PIWIL3: variants seen among roughly 807,000 people sequenced by gnomAD.
PIWIL3 encodes the protein piwi like RNA-mediated gene silencing 3, also known as piwi-like protein 3.
PIWIL3 carries 101 observed loss-of-function variants against 109.7 expected under a neutral mutation model. The observed-to-expected ratio is 0.92, with a 90% CI of 0.78 to 1.09. The LOEUF is 1.09. Ranked by LOEUF, PIWIL3 falls within the 50% of genes least tolerant of loss-of-function variation. The pLI is 0.00. For synonymous variants in PIWIL3, 373 were observed against 376.4 expected (o/e 0.99, Z 0.10); for missense variants, 1,031 against 1,072.6 (o/e 0.96, Z 0.54).
chr22:24,737,827 G>A (rs1277869250), intron 12 of PIWIL3, among the ~76,000 whole-genome samples: 1 of 152,172 alleles, frequency 6.6e-6, no homozygotes, highest in Non-Finnish European at 1.5e-5. Context: ...CTATGGGCCT[G>A]TGGTGGTGGT....
intron 1 of PIWIL3, among the ~76,000 whole-genome samples, chr22:24,766,570 C>T (rs900105357): frequency 1.3e-5 from 2 of 151,866 alleles, no homozygotes; most frequent in African/African-American, 4.8e-5. Context: ...GATCCGCCTG[C>T]CTCAGCCTTC....
intron 18 of PIWIL3, among the ~76,000 whole-genome samples, chr22:24,724,436 ATT>A (rs111263336): frequency 7.4e-5 from 10 of 135,150 alleles, no homozygotes; most frequent in Admixed American, 1.5e-4. Flanking sequence ...TAATTTTTTC[ATT>A]TTTTTTTTTT....
In PIWIL3 at chr22:24,731,459, C is replaced by T. The variant is rs933191778; in HGVS notation, c.1707+2625G>A. Among the ~76,000 whole-genome samples the T allele has an allele frequency of 5.3e-5, 8 of 151,694 alleles. No individual in the cohort carries two copies. The South Asian group carries it at 6.3e-4, about 12-fold the overall frequency. On this transcript the variant is annotated intron_variant, in intron 14 of 20. Coordinates refer to ENST00000616349, the MANE Select transcript of PIWIL3 (RefSeq NM_001255975.1). Reference sequence around the variant, plus strand: ...CAAGGTCAGGAGATTGAGACCATCCCGGCTAACACAGTGAAACCCTTTGTC... The same window carrying T: ...CAAGGTCAGGAGATTGAGACCATCCTGGCTAACACAGTGAAACCCTTTGTC...
rs763806731 is a variant in PIWIL3, at chr22:24,756,603, A to C, written c.458T>G (p.Ile153Arg). The C allele has an allele frequency of 1.2e-6, 2 of 1,614,024 alleles. No individual in the cohort carries two copies. The highest frequency in any genetic ancestry group is 2.2e-5 in the South Asian group (2 of 91,072). ...AATTGTACGGAGATTTCCATCTTCTATGTCTGGTTTGTAGTCAACGTTGTA... is the reference window on the plus strand; with the variant it reads ...AATTGTACGGAGATTTCCATCTTCTCTGTCTGGTTTGTAGTCAACGTTGTA... ...YKYNVDYKPD[I>R]EDGNLRTILL... The change falls in exon 5 of 21, where the codon ATA (isoleucine) becomes AGA (arginine). Residue 153 changes from isoleucine to arginine, a missense_variant. By Grantham distance (97) the Ile-to-Arg change is moderately conservative. Coordinates refer to ENST00000616349, the MANE Select transcript of PIWIL3 (RefSeq NM_001255975.1).
At chr22:24,755,499 A>G (rs983121507) in intron 6 of PIWIL3, among the ~76,000 whole-genome samples, 1 of 152,244 alleles carries the variant, frequency 6.6e-6, no homozygotes, top group Non-Finnish European at 1.5e-5. Context: ...TGCATTTGCT[A>G]CAGAGACATA....
chr22:24,761,948 C>A, intron 2 of PIWIL3: 1 of 986,422 alleles, frequency 1.0e-6, no homozygotes, highest in Non-Finnish European at 1.2e-6. Context: ...GGCCCCGCAG[C>A]GCCACTATGG....
chr22:24,719,612 C>G, intron 20 of PIWIL3, 24 bp from the exon 21 acceptor site: 5 of 1,560,300 alleles, frequency 3.2e-6, no homozygotes, highest in Non-Finnish European at 4.3e-6. Flanking sequence ...AGAAAATACA[C>G]AACTAAATTT....
chr22:24,748,910 T>TC lies in PIWIL3; in HGVS notation c.1445dup (p.Met483AsnfsTer3). 3.7e-6 allele frequency: 6 copies of TC among 1,606,128 alleles called. No homozygotes were observed. Among genetic ancestry groups the TC allele is most frequent in the Non-Finnish European group, 5.1e-6 (6 of 1,175,800 alleles). Reference sequence around the variant, plus strand: ...GATGATTTTGAAACTGTCTTACCATTCTTCTGCCTTGCACGATGTTTGCGT... The same window carrying TC: ...GATGATTTTGAAACTGTCTTACCATTCCTTCTGCCTTGCACGATGTTTGCGT... On this transcript the variant is annotated frameshift_variant, in exon 12 of 21. Coordinates refer to ENST00000616349, the MANE Select transcript of PIWIL3 (RefSeq NM_001255975.1). LOFTEE classifies it high-confidence loss of function.
At chr22:24,740,563 A>G (rs1054153125) in intron 12 of PIWIL3, among the ~76,000 whole-genome samples, 3 of 150,526 alleles carry the variant, frequency 2.0e-5, no homozygotes, top group African/African-American at 4.9e-5. Context: ...AAAAAAAAAG[A>G]AAGAAACTGG....
chr22:24,744,183 A>AAAAAAAAAAAAC (rs1924190653), intron 12 of PIWIL3, among the ~76,000 whole-genome samples: 1 of 143,542 alleles, frequency 7.0e-6, no homozygotes, highest in Non-Finnish European at 1.5e-5. Context: ...CGAATTAAAA[A>AAAAAAAAAAAAC]AAAAAAAAAA....
chr22:24,724,845 T>C (rs776430230), intron 18 of PIWIL3, 42 bp downstream of exon 18: 5 of 1,585,328 alleles, frequency 3.2e-6, no homozygotes, highest in Non-Finnish European at 4.3e-6. Context: ...GTGCTGGGAT[T>C]ACAGGCATGA....
At chr22:24,749,280 A>T (rs1924560988) in intron 11 of PIWIL3, 124 bp downstream of exon 11, 1 of 1,447,372 alleles carries the variant, frequency 6.9e-7, no homozygotes, top group Admixed American at 2.2e-5. Flanking sequence ...GTCCCCCAAC[A>T]TCAAAATTCT....
chr22:24,749,347 GCTTCACTGGGACAC>G, intron 11 of PIWIL3, 43 bp downstream of exon 11: 1 of 1,590,952 alleles, frequency 6.3e-7, no homozygotes, highest in Non-Finnish European at 8.6e-7. Context: ...GATGCCATCA[GCTTCACTGGGACAC>G]CATGCACATG....
intron 12 of PIWIL3, among the ~76,000 whole-genome samples, chr22:24,746,938 C>T (rs1219862729): frequency 6.6e-6 from 1 of 152,006 alleles, no homozygotes; most frequent in Non-Finnish European, 1.5e-5. Flanking sequence ...CAATCCCTAT[C>T]ATAATACCAA....
intron 15 of PIWIL3, 25 bp from the exon 16 acceptor site, chr22:24,728,078 A>G: frequency 1.2e-6 from 2 of 1,611,290 alleles, no homozygotes; most frequent in Non-Finnish European, 1.7e-6. Flanking sequence ...TGAAAAGGTA[A>G]TGGAGTTAGA....
rs192331588 is a variant in PIWIL3 at position 24,727,618 on chromosome 22, G to A, written c.2009+332C>T. Among the ~76,000 whole-genome samples, 6 of 152,322 alleles carry A rather than the reference G, an allele frequency of 3.9e-5. No homozygotes were observed. The East Asian group carries it at 1.2e-3, about 29-fold the overall frequency. ...AGCCTCCAGATGATAATGTGGCTTA[G>A]CTGACACCTTAATTTATGCCTTGTA... On this transcript the variant is annotated intron_variant, in intron 16 of 20. Transcript: ENST00000616349.
At chr22:24,744,060 GGAA>G (rs746888521) in intron 12 of PIWIL3, among the ~76,000 whole-genome samples, 1 of 151,174 alleles carries the variant, frequency 6.6e-6, no homozygotes, top group Non-Finnish European at 1.5e-5. Context: ...AAAGAAAGGA[GGAA>G]GAAGAGACTA....
In PIWIL3 at chr22:24,723,114, A is replaced by G. The variant is rs765442182; in HGVS notation, c.2357+16T>C. Reference sequence around the variant, plus strand: ...GAAAATCATAGAACCATGTGCAAAAAATACAGGTGGCTTACCATTCATTCC... The same window carrying G: ...GAAAATCATAGAACCATGTGCAAAAGATACAGGTGGCTTACCATTCATTCC... On this transcript the variant is annotated intron_variant, in intron 19 of 20. Transcript: ENST00000616349. 1.2e-6 allele frequency: 2 copies of G among 1,610,838 alleles called. No individual in the cohort carries two copies. The highest frequency in any genetic ancestry group is 1.7e-6 in the Non-Finnish European group (2 of 1,177,590).
intron 12 of PIWIL3, among the ~76,000 whole-genome samples, chr22:24,746,608 T>C (rs1341380833): frequency 7.0e-6 from 1 of 143,584 alleles, no homozygotes; most frequent in African/African-American, 2.6e-5. Context: ...AGATAGGATC[T>C]GATATTTGGA....
Sources: allele counts gnomAD v4.1 joint callset (sites outside exome capture counted in the v4.1 genomes callset), GRCh38; gene constraint gnomAD v4.1.1; transcripts MANE v1.5; gene names NCBI Gene and HGNC (gene_info 2026-07-23, HGNC 2026-07-21).